DBP: variants seen among roughly 807,000 people sequenced by gnomAD.
The protein encoded by DBP is D-box binding PAR bZIP transcription factor.
A neutral mutation model predicts 21.4 loss-of-function variants in DBP; 12 were observed. That is an observed-to-expected ratio of 0.56 (90% CI 0.36 to 0.91). The LOEUF (loss-of-function observed/expected upper bound fraction) is 0.91, where lower values mean the gene tolerates loss of function less well. DBP is among the 40% of genes least tolerant of loss of function. The probability of loss-of-function intolerance (pLI) is 0.01; values close to 1 mark genes in which losing one functional copy is unlikely to be tolerated. For synonymous variants in DBP, 213 were observed against 224.9 expected, an observed-to-expected ratio of 0.95 and a Z score of 0.47; for missense variants, 423 against 473.4, an observed-to-expected ratio of 0.89 and a Z score of 0.99.
intron 3 of DBP, chr19:48,632,598 C>T (rs1440867003): frequency 6.6e-6 from 1 of 152,208 alleles, no homozygotes; most frequent in African/African-American, 2.4e-5. Context: ...GAAGCCCAAG[C>T]AACTCTTGCT....
chr19:48,634,734 C>G, intron 2 of DBP: 3 of 985,570 alleles, frequency 3.0e-6, no homozygotes, highest in Non-Finnish European at 3.6e-6. Flanking sequence ...AGGGTAGGGC[C>G]CTGGTTCGGC....
At chr19:48,636,701 G>A (rs2030816610) in intron 1 of DBP, among the ~76,000 whole-genome samples, 155 bp downstream of exon 1, 1 of 152,130 alleles carries the variant, frequency 6.6e-6, no homozygotes, top group South Asian at 2.1e-4. Context: ...GGGCGCTAAG[G>A]GATCTAGGGG....
chr19:48,635,082 C>T (rs367920052), intron 2 of DBP: 141 of 987,228 alleles, frequency 1.4e-4, no homozygotes, highest in South Asian at 1.2e-3. Flanking sequence ...CTGCAGCACG[C>T]CCCACTGGGG....
intron 1 of DBP, 110 bp from the exon 2 acceptor site, chr19:48,636,100 A>C (rs553782735): frequency 8.3e-5 from 91 of 1,098,422 alleles, no homozygotes; most frequent in Non-Finnish European, 1.0e-4. Context: ...GAAAGAGGGG[A>C]CGGGGGGTCG....
At position 48,635,954 on chromosome 19, in the gene DBP, G is replaced by A. The variant is rs889832010; in HGVS notation, c.176C>T (p.Pro59Leu). Residue 59 changes from proline (P) to leucine (L), a missense_variant, in exon 2 of 4, where the codon CCT (proline) becomes CTT (leucine). Pro to Leu is a moderately conservative substitution (Grantham distance 98). Around this residue, in one of 4 missense-constraint regions of DBP, gnomAD observed 283 missense variants for 273.7 expected, o/e 1.03. Coordinates refer to ENST00000222122, the MANE Select transcript of DBP (RefSeq NM_001352.5). ...GCCTGGCCCAGGGGTTGTGGCTGCAGGCAGGGCCGCCTTGCGCTCCTTTTC... is the reference window on the plus strand; with the variant it reads ...GCCTGGCCCAGGGGTTGTGGCTGCAAGCAGGGCCGCCTTGCGCTCCTTTTC... ...LKEKERKAAL[P>L]AATTPGPGLE... is the part of the protein sequence containing the mutation. The A allele has an allele frequency of 2.6e-6, 4 of 1,526,280 alleles. No individual in the cohort carries two copies. The highest frequency in any genetic ancestry group is 1.4e-5 in the African/African-American group (1 of 71,114). 94.5% of individuals were successfully genotyped at this position (1,526,280 alleles called of 1,614,324 possible).
In DBP at chr19:48,635,460, T is replaced by C. The variant is rs551426025; in HGVS notation, c.550+120A>G. On this transcript the variant is annotated intron_variant, in intron 2 of 3. Transcript: ENST00000222122. ...CCCTCCCACGACACCTCTCGACAAC[T>C]GGACACAGAATTCGAGGCCGCAGCC... The C allele has an allele frequency of 6.1e-6, 9 of 1,477,002 alleles. No homozygotes were observed. The South Asian group carries it at 9.8e-5, about 16-fold the overall frequency. The allele number at this position is 1,477,002 out of a possible 1,614,324, so 91.5% of individuals were successfully genotyped here.
intron 2 of DBP, chr19:48,634,605 C>T (rs1021265650): frequency 1.4e-5 from 11 of 798,804 alleles, no homozygotes; most frequent in Non-Finnish European, 1.7e-5. Flanking sequence ...CCTCCCAGGC[C>T]CCCGCCATCG....
At position 48,637,196 on chromosome 19, in the gene DBP, A is replaced by C; in HGVS notation, c.-202T>G. On this transcript the variant is annotated 5_prime_UTR_variant, in exon 1 of 4. Coordinates refer to ENST00000222122, the MANE Select transcript of DBP (RefSeq NM_001352.5). ...CCTCGGTGCAGAAACGTGCAACTCA[A>C]GAGGGTCCCGGGAGATCATGCAATC... The C allele has an allele frequency of 2.1e-6, 1 of 471,190 alleles. No individual in the cohort carries two copies. The highest frequency in any genetic ancestry group is 3.7e-6 in the Non-Finnish European group (1 of 268,928). 29.2% of individuals were successfully genotyped at this position (471,190 alleles called of 1,614,324 possible). A position where few individuals can be genotyped will look rare whatever the true frequency, so the allele number is the denominator to read the frequency against.
In DBP at chr19:48,637,356, T is replaced by C; in HGVS notation, c.-362A>G. Reference sequence around the variant, plus strand: ...GCAGCTCTCGCAACGGAAGGCGCTTTGCAATCTGCACCGAGAGGTGTGCGC... The same window carrying C: ...GCAGCTCTCGCAACGGAAGGCGCTTCGCAATCTGCACCGAGAGGTGTGCGC... On this transcript the variant is annotated 5_prime_UTR_variant, in exon 1 of 4. Coordinates refer to ENST00000222122, the MANE Select transcript of DBP (RefSeq NM_001352.5). 4.2e-6 allele frequency: 1 copy of C among 238,158 alleles called. No homozygotes were observed. Among genetic ancestry groups the C allele is most frequent in the East Asian group, 7.9e-5 (1 of 12,596 alleles). The allele number at this position is 238,158 out of a possible 1,614,324, so 14.8% of individuals were successfully genotyped here. A position where few individuals can be genotyped will look rare whatever the true frequency, so the allele number is the denominator to read the frequency against.
rs370867638 is a variant in DBP at position 48,633,474 on chromosome 19, T to G, written c.732A>C (p.Ala244=). 1.3e-5 allele frequency: 21 copies of G among 1,614,086 alleles called. No homozygotes were observed. The highest frequency in any genetic ancestry group is 1.7e-5 in the Non-Finnish European group (20 of 1,180,044). The change falls in exon 3 of 4, where the codon GCA becomes GCC. Residue 244 remains alanine (A), a synonymous_variant. Transcript: ENST00000222122. ...ELKPQPIMKK[A]RKIQVPEEQK... ...GCTCCTCCGGCACCTGGATTTTTCTTGCCTTCTTCATGATTGGCTGGGGCT... is the reference window on the plus strand; with the variant it reads ...GCTCCTCCGGCACCTGGATTTTTCTGGCCTTCTTCATGATTGGCTGGGGCT...
Position 48,633,814 on chromosome 19 carries a change from C to T in DBP, c.551-159G>A. On this transcript the variant is annotated intron_variant, in intron 2 of 3. Transcript: ENST00000222122. ...CTCCCTAATATAAAATATGAAGGTT[C>T]CCTTGGCCAGGCGCAGTGGCTCACG... 5 of 663,636 alleles carry T rather than the reference C, an allele frequency of 7.5e-6. No homozygotes were observed. In the East Asian group the frequency reaches 1.1e-4, roughly 14 times the overall value. The allele number at this position is 663,636 out of a possible 1,614,324, so 41.1% of individuals were successfully genotyped here. A position where few individuals can be genotyped will look rare whatever the true frequency, so the allele number is the denominator to read the frequency against.
intron 2 of DBP, chr19:48,634,891 C>T (rs1292740591): frequency 3.0e-6 from 3 of 985,650 alleles, no homozygotes; most frequent in Non-Finnish European, 3.6e-6. Context: ...TTCCCAACCC[C>T]CTGCTCTCCG....
chr19:48,634,179 T>C (rs946257069), intron 2 of DBP: 1 of 161,336 alleles, frequency 6.2e-6, no homozygotes, highest in African/African-American at 2.4e-5. Flanking sequence ...TATCCACCTT[T>C]ACAAACAAGG....
At chr19:48,635,474 G>A in intron 2 of DBP, 106 bp downstream of exon 2, 2 of 1,477,090 alleles carry the variant, frequency 1.4e-6, no homozygotes, top group Non-Finnish European at 1.8e-6. Flanking sequence ...CACAGAATTC[G>A]AGGCCGCAGC....
intron 2 of DBP, chr19:48,634,686 T>C: frequency 5.1e-6 from 5 of 985,382 alleles, no homozygotes; most frequent in East Asian, 1.1e-4. Flanking sequence ...GGAGGAGGGA[T>C]GGGAGGACTC....
At chr19:48,634,654 T>G (rs2030717079) in intron 2 of DBP, 2 of 981,990 alleles carry the variant, frequency 2.0e-6, no homozygotes, top group African/African-American at 1.8e-5. Flanking sequence ...CCCTCGCGCT[T>G]GAAGGCGCCT....
intron 1 of DBP, 111 bp downstream of exon 1, chr19:48,636,745 T>A (rs2030818368): frequency 7.6e-7 from 1 of 1,311,368 alleles, no homozygotes. Context: ...AGATTAAGGT[T>A]GGGAAGATGG....
intron 2 of DBP, chr19:48,634,949 A>C: frequency 1.0e-6 from 1 of 985,684 alleles, no homozygotes. Flanking sequence ...CCACTGGGCT[A>C]CCACGATTCT....
intron 2 of DBP, 162 bp downstream of exon 2, chr19:48,635,418 A>G (rs2030746040): frequency 2.0e-6 from 3 of 1,474,298 alleles, no homozygotes; most frequent in Non-Finnish European, 2.7e-6. Context: ...ACCCATTAAG[A>G]GACACCGAAT....
Sources: gnomAD v4.1 joint callset for allele counts (sites outside exome capture counted in the v4.1 genomes callset) on GRCh38, gnomAD v4.1.1 for gene constraint, gnomAD v4.1.1 regional missense constraint, MANE v1.5 for transcripts, NCBI Gene and HGNC (gene_info 2026-07-23, HGNC 2026-07-21) for gene names.